DNAH5: variants seen among roughly 807,000 people sequenced by gnomAD.
The protein encoded by DNAH5 is axonemal beta dynein heavy chain 5.
A neutral mutation model predicts 518.2 loss-of-function variants in DNAH5; 372 were observed. The observed-to-expected ratio is 0.72, with a 90% CI of 0.66 to 0.78. DNAH5 has a LOEUF of 0.78. Ranked by LOEUF, DNAH5 falls within the 30% of genes least tolerant of loss-of-function variation. The pLI is 0.00. For missense variants in DNAH5, 5,523 were observed against 5,687.0 expected, an observed-to-expected ratio of 0.97 and a Z score of 0.93; for synonymous variants, 2,039 against 2,025.9, an observed-to-expected ratio of 1.01 and a Z score of -0.17.
At chr5:13,705,791 A>G (rs1742705322) in intron 76 of DNAH5, among the ~76,000 whole-genome samples, 3 of 151,966 alleles carry the variant, frequency 2.0e-5, no homozygotes, top group African/African-American at 7.3e-5. Context: ...ATGTGCATAG[A>G]GGGAAGATGA....
intron 1 of DNAH5, among the ~76,000 whole-genome samples, chr5:13,998,997 G>C (rs781744216): frequency 1.3e-5 from 2 of 152,038 alleles, no homozygotes; most frequent in African/African-American, 4.8e-5. Context: ...TCAGCCTCCC[G>C]AGTACCTGGG....
chr5:13,933,114 AAAATAAC>A (rs1778578626), intron 1 of DNAH5, among the ~76,000 whole-genome samples: 2 of 152,250 alleles, frequency 1.3e-5, no homozygotes, highest in Admixed American at 6.5e-5. Flanking sequence ...CCTGTGGGAC[AAAATAAC>A]TTCTCCTGTT....
intron 34 of DNAH5, 112 bp from the exon 35 acceptor site, chr5:13,839,640 C>T: frequency 1.0e-6 from 1 of 965,046 alleles, no homozygotes; most frequent in South Asian, 1.4e-5. Context: ...TCACAGACAA[C>T]CGAACTATTT....
In DNAH5 at chr5:13,753,496, CT is replaced by C; in HGVS notation, c.10608del (p.Glu3537SerfsTer7). The C allele has an allele frequency of 6.2e-7, 1 of 1,614,032 alleles. No individual in the cohort carries two copies. ...TCATTTAACAGAAGATCACGAAACT[CT>C]TGGTTAAATGGACCAGAATAAGATA... The part of the protein sequence containing the change: ...AFLSYSGPFN[Q>X]EFRDLLLNDW... On this transcript the variant is annotated frameshift_variant, in exon 63 of 79. Coordinates refer to ENST00000265104, the MANE Select transcript of DNAH5 (RefSeq NM_001369.3). LOFTEE classifies it high-confidence loss of function.
chr5:13,730,592 G>A (rs771348569), intron 68 of DNAH5, among the ~76,000 whole-genome samples: 15 of 151,684 alleles, frequency 9.9e-5, no homozygotes, highest in South Asian at 2.1e-4. Flanking sequence ...CCGCCACCAC[G>A]CCCATCTAAT....
In DNAH5 at chr5:13,717,266, G is replaced by A. The variant is rs141559600; in HGVS notation, c.12705+49C>T. The A allele has an allele frequency of 2.0e-4, 309 of 1,542,844 alleles. No individual in the cohort carries two copies. The East Asian group carries it at 6.6e-3, about 33-fold the overall frequency. ...GCTAGGAGGTCCCGTGAGCTTGATG[G>A]CCCAAGCCCACAGCCACTAGAGGCA... On this transcript the variant is annotated intron_variant, in intron 73 of 78. Coordinates refer to ENST00000265104, the MANE Select transcript of DNAH5 (RefSeq NM_001369.3).
chr5:13,733,128 T>G (rs1173734877), intron 68 of DNAH5, among the ~76,000 whole-genome samples: 2 of 152,204 alleles, frequency 1.3e-5, no homozygotes, highest in African/African-American at 4.8e-5. Context: ...TTACATAAAC[T>G]GTGTAAATTC....
chr5:13,784,688 C>A (rs1755697254), intron 52 of DNAH5, among the ~76,000 whole-genome samples: 1 of 152,106 alleles, frequency 6.6e-6, no homozygotes, highest in Admixed American at 6.5e-5. Flanking sequence ...ACGGTGGAAC[C>A]TAAATCATGG....
At chr5:13,761,588 G>C (rs574984387) in intron 60 of DNAH5, among the ~76,000 whole-genome samples, 1 of 84,978 alleles carries the variant, frequency 1.2e-5, no homozygotes, top group African/African-American at 6.0e-5. Context: ...GAAAGACTCC[G>C]TCTCAAAAAA....
chr5:13,885,054 A>T lies in DNAH5; in HGVS notation c.2918T>A (p.Val973Asp). The change falls in exon 19 of 79, where the codon GTT becomes GAT. Residue 973 changes from valine to aspartate, a missense_variant. Val to Asp is a radical substitution (Grantham distance 152). Around this residue, in one of 3 missense-constraint regions of DNAH5, gnomAD observed 5,121 missense variants for 5,223.3 expected, o/e 0.98. Coordinates refer to ENST00000265104, the MANE Select transcript of DNAH5 (RefSeq NM_001369.3). ...NHQNMDALLK[V>D]TRNTLEAIRK... ...AATGGCCTCTAGTGTATTCCTTGTA[A>T]CTTTCAGAAGAGCATCCATGTTCTG... 6.2e-7 allele frequency: 1 copy of T among 1,614,206 alleles called. No individual in the cohort carries two copies.
Position 13,814,701 on chromosome 5 carries a change from C to T in DNAH5, c.7134G>A (p.Glu2378=). The change falls in exon 43 of 79, where the codon GAG becomes GAA. Residue 2378 remains glutamate (E), a synonymous_variant. Coordinates refer to ENST00000265104, the MANE Select transcript of DNAH5 (RefSeq NM_001369.3). Reference sequence around the variant, plus strand: ...GAGAAGCATTGTCAATGTTATGAGGCTCGAAAATGATCTTGCAGTTTGGAG... The same window carrying T: ...GAGAAGCATTGTCAATGTTATGAGGTTCGAAAATGATCTTGCAGTTTGGAG... ...PMAPNCKIIF[E]PHNIDNASPA... 1 of 1,614,032 alleles carries T rather than the reference C, an allele frequency of 6.2e-7. No individual in the cohort carries two copies.
chr5:13,804,636 A>C (rs1198931343), intron 47 of DNAH5, among the ~76,000 whole-genome samples: 2 of 152,244 alleles, frequency 1.3e-5, no homozygotes, highest in Non-Finnish European at 2.9e-5. Context: ...AACAGAGTGG[A>C]TGATCCTGTG....
chr5:13,979,353 A>T (rs1177235890), intron 1 of DNAH5, among the ~76,000 whole-genome samples: 1 of 152,120 alleles, frequency 6.6e-6, no homozygotes. Flanking sequence ...CCATCTTCCA[A>T]CATATAAACA....
chr5:13,916,566 A>C, intron 8 of DNAH5, 111 bp from the exon 9 acceptor site: 1 of 565,694 alleles, frequency 1.8e-6, no homozygotes. Flanking sequence ...TCTATTAAAG[A>C]TTTAAAAATA....
At chr5:13,924,816 A>G (rs1457695015) in intron 3 of DNAH5, among the ~76,000 whole-genome samples, 1 of 152,254 alleles carries the variant, frequency 6.6e-6, no homozygotes, top group Non-Finnish European at 1.5e-5. Flanking sequence ...TTGAACAGTC[A>G]TCTTTGATTA....
intron 30 of DNAH5, among the ~76,000 whole-genome samples, chr5:13,851,659 AT>A (rs1282066986): frequency 2.0e-5 from 3 of 152,066 alleles, no homozygotes; most frequent in African/African-American, 7.2e-5. Context: ...ACCAATGAGT[AT>A]ATACCATCAA....
chr5:13,815,456 A>G (rs1322867306), intron 42 of DNAH5, among the ~76,000 whole-genome samples: 1 of 152,214 alleles, frequency 6.6e-6, no homozygotes, highest in Non-Finnish European at 1.5e-5. Context: ...GAGACCTCAG[A>G]GAACTCTCTT....
intron 35 of DNAH5, among the ~76,000 whole-genome samples, chr5:13,836,808 A>C (rs2151851381): frequency 6.6e-6 from 1 of 152,352 alleles, no homozygotes; most frequent in Non-Finnish European, 1.5e-5. Flanking sequence ...AGTGGACTCA[A>C]CCTAATCTCA....
intron 1 of DNAH5, among the ~76,000 whole-genome samples, chr5:14,010,753 CAG>C (rs1785059888): frequency 6.6e-6 from 1 of 152,042 alleles, no homozygotes. Flanking sequence ...TAAATATCTA[CAG>C]AGAGGAGGAA....
Sources: gnomAD v4.1 joint callset for allele counts (sites outside exome capture counted in the v4.1 genomes callset) on GRCh38, gnomAD v4.1.1 for gene constraint, gnomAD v4.1.1 regional missense constraint, MANE v1.5 for transcripts, NCBI Gene and HGNC (gene_info 2026-07-23, HGNC 2026-07-21) for gene names.